AOPEP: variants seen among roughly 807,000 people sequenced by gnomAD.
AOPEP encodes the protein aminopeptidase O (putative).
AOPEP carries 77 observed loss-of-function variants against 98.1 expected under a neutral mutation model. The observed-to-expected ratio is 0.78, with a 90% CI of 0.65 to 0.95. The LOEUF (loss-of-function observed/expected upper bound fraction) is 0.95. Ranked by LOEUF, AOPEP falls within the 40% of genes least tolerant of loss-of-function variation. AOPEP has a pLI of 0.00. For synonymous variants in AOPEP, 346 were observed against 365.3 expected, an observed-to-expected ratio of 0.95 and a Z score of 0.60; for missense variants, 1,024 against 1,024.7, an observed-to-expected ratio of 1.00 and a Z score of 0.01.
At chr9:94,785,953 G>A (rs191758228) in intron 3 of AOPEP, among the ~76,000 whole-genome samples, 3 of 152,276 alleles carry the variant, frequency 2.0e-5, no homozygotes, top group South Asian at 4.1e-4. Context: ...CGCTTTGTGT[G>A]GACTGTGTTT....
At chr9:94,877,336 A>G (rs989919832) in intron 5 of AOPEP, among the ~76,000 whole-genome samples, 10 of 152,096 alleles carry the variant, frequency 6.6e-5, no homozygotes, top group Non-Finnish European at 1.3e-4. Flanking sequence ...TCAGTGGGTA[A>G]TGTACTTTTT....
chr9:94,733,546 G>T (rs1668474889), intron 1 of AOPEP, among the ~76,000 whole-genome samples: 1 of 152,154 alleles, frequency 6.6e-6, no homozygotes, highest in African/African-American at 2.4e-5. Flanking sequence ...CTGTATTGGT[G>T]TAGTTCTGTA....
intron 13 of AOPEP, among the ~76,000 whole-genome samples, chr9:95,029,926 G>A (rs1447382587): frequency 1.3e-5 from 2 of 152,316 alleles, no homozygotes; most frequent in Admixed American, 6.5e-5. Flanking sequence ...TGTTGCTCAA[G>A]TTGTTGAAAT....
rs576486061 is a variant in AOPEP at position 94,787,471 on chromosome 9, G to A, written c.965-5294G>A. ...TTTCCACAAGTATCATCTTGCCCAT[G>A]GACTACGTGGATGGTACAAGAACCA... is the stretch of plus-strand genomic sequence containing the variant. On this transcript the variant is annotated intron_variant, in intron 3 of 16. Transcript: ENST00000375315. 1.7e-3 allele frequency among the ~76,000 whole-genome samples: 266 copies of A among 152,282 alleles called. 1 individual carries two copies. Among genetic ancestry groups the A allele is most frequent in the African/African-American group, 6.3e-3 (262 of 41,554 alleles).
the AOPEP span, chr9:95,100,690 T>C: frequency 4.4e-6 from 1 of 228,802 alleles, no homozygotes; most frequent in Non-Finnish European, 8.7e-6. Context: ...GAGTGCAGTG[T>C]CATGATCTCG....
At chr9:94,993,500 G>C (rs2061023101) in intron 11 of AOPEP, among the ~76,000 whole-genome samples, 1 of 152,152 alleles carries the variant, frequency 6.6e-6, no homozygotes, top group Non-Finnish European at 1.5e-5. Context: ...ATATTTTATA[G>C]CAAAACGTTG....
In AOPEP at chr9:94,972,867, C is replaced by T. The variant is rs1393894548; in HGVS notation, c.1916+5066C>T. 2.0e-5 allele frequency among the ~76,000 whole-genome samples: 3 copies of T among 151,556 alleles called. No homozygotes were observed. The highest frequency in any genetic ancestry group is 4.9e-5 in the African/African-American group (2 of 41,176). On this transcript the variant is annotated intron_variant, in intron 10 of 16. Coordinates refer to ENST00000375315, the MANE Select transcript of AOPEP (RefSeq NM_001193329.3). This position sits in a 1 kb window ranked among gnomAD's most constrained non-coding sequence, Gnocchi z 4.2. The stretch of plus-strand genomic sequence containing the variant: ...GGTGGGAGGATGGCTTGAGTCCAGG[C>T]GTTTGAGGCTGCAATGAGCTGAGAT...
chr9:94,759,846 A>T lies in AOPEP; in HGVS notation c.63A>T (p.Ile21=). Residue 21 remains isoleucine, a synonymous_variant, in exon 2 of 17, where the codon ATA becomes ATT. Coordinates refer to ENST00000375315, the MANE Select transcript of AOPEP (RefSeq NM_001193329.3). The part of the protein sequence containing the change: ...DLPLMANTSH[I]LVKHYVLDLD... Reference sequence around the variant, plus strand: ...CTCTCATGGCCAACACCAGCCACATACTTGTGAAGCACTATGTACTGGATT... The same window carrying T: ...CTCTCATGGCCAACACCAGCCACATTCTTGTGAAGCACTATGTACTGGATT... 1 of 1,614,120 alleles carries T rather than the reference A, an allele frequency of 6.2e-7. No individual in the cohort carries two copies. The highest frequency in any genetic ancestry group is 8.5e-7 in the Non-Finnish European group (1 of 1,180,010).
chr9:95,111,028 G>A, the AOPEP span: 2 of 1,444,236 alleles, frequency 1.4e-6, no homozygotes, highest in East Asian at 2.5e-5. Context: ...CAAGAAAGGA[G>A]ACAGTCAAGA....
intron 13 of AOPEP, among the ~76,000 whole-genome samples, chr9:95,044,013 A>G (rs1444515099): frequency 6.6e-6 from 1 of 152,050 alleles, no homozygotes; most frequent in Non-Finnish European, 1.5e-5. Flanking sequence ...TGTGGGTAAC[A>G]TGTGTTCCTG....
the AOPEP span, among the ~76,000 whole-genome samples, chr9:95,104,847 A>G: frequency 6.6e-6 from 1 of 152,124 alleles, no homozygotes; most frequent in African/African-American, 2.4e-5. Flanking sequence ...AGGGCTGACC[A>G]TCTCCCCACT....
At chr9:95,084,091 G>A (rs2070271859) in intron 16 of AOPEP, among the ~76,000 whole-genome samples, 1 of 151,920 alleles carries the variant, frequency 6.6e-6, no homozygotes, top group African/African-American at 2.4e-5. Flanking sequence ...ATATTAATAG[G>A]GGATGTCTAA....
chr9:94,783,485 A>T (rs1843727073), intron 3 of AOPEP, among the ~76,000 whole-genome samples: 1 of 152,160 alleles, frequency 6.6e-6, no homozygotes, highest in African/African-American at 2.4e-5. Context: ...CTAACAAGAG[A>T]CAGTCACGCT....
At chr9:94,845,238 C>G (rs1002365827) in intron 5 of AOPEP, among the ~76,000 whole-genome samples, 2 of 152,170 alleles carry the variant, frequency 1.3e-5, no homozygotes. Flanking sequence ...CCAGCACAGA[C>G]AAGACACAGA....
intron 5 of AOPEP, among the ~76,000 whole-genome samples, chr9:94,917,657 A>C (rs1211596742): frequency 6.6e-6 from 1 of 152,120 alleles, no homozygotes; most frequent in Non-Finnish European, 1.5e-5. Context: ...GTAGCTGCCC[A>C]CTGCCCTATA....
chr9:95,111,416 C>T, the AOPEP span: 2 of 1,599,510 alleles, frequency 1.3e-6, no homozygotes, highest in African/African-American at 1.3e-5. Context: ...CTCCTCTCAG[C>T]CCCCCAGAGC....
At chr9:94,998,372 G>A (rs12686500) in intron 11 of AOPEP, among the ~76,000 whole-genome samples, 8,685 of 152,096 alleles carry the variant, frequency 0.057, 719 homozygotes, top group African/African-American at 0.18. Flanking sequence ...GTATATGGAA[G>A]CACTTTGTAA....
the AOPEP span, among the ~76,000 whole-genome samples, chr9:95,097,218 C>T: frequency 5.9e-5 from 9 of 152,352 alleles, no homozygotes; most frequent in East Asian, 5.8e-4. Context: ...TTTCATGGGA[C>T]GCAACCTTCT....
chr9:94,733,785 ATC>A (rs1831113124), intron 1 of AOPEP, among the ~76,000 whole-genome samples: 1 of 152,148 alleles, frequency 6.6e-6, no homozygotes, highest in Non-Finnish European at 1.5e-5. Flanking sequence ...TCTTACCTTA[ATC>A]CCAGGTGCTT....
Sources: allele counts gnomAD v4.1 joint callset (sites outside exome capture counted in the v4.1 genomes callset), GRCh38; gene constraint gnomAD v4.1.1; non-coding constraint Gnocchi (gnomAD v3.1); transcripts MANE v1.5; gene names NCBI Gene and HGNC (gene_info 2026-07-23, HGNC 2026-07-21).